AP2A2: variants seen among roughly 807,000 people sequenced by gnomAD.
AP2A2 encodes AP-2 complex subunit alpha-2.
Under a neutral mutation model 104.2 loss-of-function variants are expected in AP2A2, and 32 were observed. That is an observed-to-expected ratio of 0.31 (90% CI 0.23 to 0.41). The LOEUF (loss-of-function observed/expected upper bound fraction) is 0.41, where lower values mean the gene tolerates loss of function less well. Among genes scored for constraint, AP2A2 ranks in the 10% least tolerant of loss-of-function variants. AP2A2 has a pLI of 1.00. For synonymous variants in AP2A2, 539 were observed against 533.3 expected, an observed-to-expected ratio of 1.01 and a Z score of -0.15; for missense variants, 912 against 1,261.0, an observed-to-expected ratio of 0.72 and a Z score of 4.19.
chr11:991,249 T>C (rs895011508), intron 10 of AP2A2, among the ~76,000 whole-genome samples: 1 of 152,238 alleles, frequency 6.6e-6, no homozygotes, highest in Non-Finnish European at 1.5e-5. Flanking sequence ...AAACTGGACA[T>C]GGCCCACTCC....
At chr11:989,873 C>T (rs960590993) in intron 10 of AP2A2, among the ~76,000 whole-genome samples, 3 of 152,206 alleles carry the variant, frequency 2.0e-5, no homozygotes, top group Non-Finnish European at 4.4e-5. Context: ...CTTGTTGAGG[C>T]TGAGACAGCG....
intron 1 of AP2A2, among the ~76,000 whole-genome samples, chr11:937,119 A>C (rs1853484484): frequency 6.6e-6 from 1 of 152,090 alleles, no homozygotes; most frequent in Non-Finnish European, 1.5e-5. Flanking sequence ...CTCTGGGTTC[A>C]AGTGATTCTC....
intron 2 of AP2A2, among the ~76,000 whole-genome samples, chr11:967,167 AAAAAC>A (rs1478350767): frequency 1.3e-5 from 2 of 151,838 alleles, no homozygotes; most frequent in Admixed American, 6.6e-5. Context: ...ACTGTCTGGG[AAAAAC>A]AAAACAAAAA....
At chr11:933,817 T>G (rs1217263139) in intron 1 of AP2A2, among the ~76,000 whole-genome samples, 1 of 152,156 alleles carries the variant, frequency 6.6e-6, no homozygotes, top group Non-Finnish European at 1.5e-5. Flanking sequence ...TTTGCACGCT[T>G]TTTCCTGAAA....
At chr11:963,247 G>A (rs1035023609) in intron 2 of AP2A2, among the ~76,000 whole-genome samples, 1 of 151,996 alleles carries the variant, frequency 6.6e-6, no homozygotes, top group African/African-American at 2.4e-5. Context: ...CCAACATGGT[G>A]AAACCCCGTG....
chr11:1,001,852 G>A (rs1396461051), intron 15 of AP2A2, among the ~76,000 whole-genome samples: 1 of 152,178 alleles, frequency 6.6e-6, no homozygotes, highest in African/African-American at 2.4e-5. Flanking sequence ...ATTGGGTGGC[G>A]CTGTCTGCAG....
rs1216591932 is a variant in AP2A2, at chr11:970,161, T to C, written c.137-8T>C. 6.2e-7 allele frequency: 1 copy of C among 1,613,722 alleles called. No homozygotes were observed. The highest frequency in any genetic ancestry group is 1.7e-5 in the Admixed American group (1 of 60,004). On this transcript the variant is annotated splice_region_variant and splice_polypyrimidine_tract_variant and intron_variant, in intron 2 of 21. Coordinates refer to ENST00000448903, the MANE Select transcript of AP2A2 (RefSeq NM_012305.4). ...TGGAATAAAACCTCTTCCCCACCTT[T>C]TCTGTAGGTGACAAGGCTCTTGATG...
intron 1 of AP2A2, among the ~76,000 whole-genome samples, chr11:947,260 C>T (rs1444813586): frequency 2.6e-5 from 4 of 152,152 alleles, no homozygotes; most frequent in African/African-American, 9.7e-5. Context: ...ATCCACCTGC[C>T]TTGGCTTCCC....
At chr11:970,885 G>A (rs960386116) in intron 3 of AP2A2, among the ~76,000 whole-genome samples, 18 of 152,258 alleles carry the variant, frequency 1.2e-4, no homozygotes, top group Non-Finnish European at 5.9e-5. Flanking sequence ...AGCCCTTGCC[G>A]GGCTGGTGCA....
At chr11:969,719 T>A (rs1478178519) in intron 2 of AP2A2, among the ~76,000 whole-genome samples, 1 of 152,196 alleles carries the variant, frequency 6.6e-6, no homozygotes, top group African/African-American at 2.4e-5. Context: ...TGCCCTAGAA[T>A]GGCTATGAAG....
Position 989,888 on chromosome 11 carries a change from C to T in AP2A2, c.1269+1199C>T, listed in dbSNP as rs1209524212. 3.3e-5 allele frequency among the ~76,000 whole-genome samples: 5 copies of T among 152,274 alleles called. No homozygotes were observed. The East Asian group carries it at 5.8e-4, about 18-fold the overall frequency. ...CTTGTTGAGGCTGAGACAGCGCCTC[C>T]GTTGTATAGAAAGCGCTTTGTTATT... On this transcript the variant is annotated intron_variant, in intron 10 of 21. Transcript: ENST00000448903.
intron 6 of AP2A2, among the ~76,000 whole-genome samples, chr11:981,809 C>T (rs570848864): frequency 6.6e-6 from 1 of 152,400 alleles, no homozygotes; most frequent in South Asian, 2.1e-4. Flanking sequence ...TCCTTGCCCT[C>T]TGAGGCTGCT....
chr11:953,628 C>G (rs61867585), intron 1 of AP2A2, among the ~76,000 whole-genome samples: 3 of 44,516 alleles, frequency 6.7e-5, no homozygotes, highest in Non-Finnish European at 2.1e-4. Flanking sequence ...GCTCCGTCTG[C>G]CTCCGTCTGC....
chr11:1,009,775 G>T lies in AP2A2; in HGVS notation c.2700G>T (p.Gln900His). ...GAGIIHTKTT[Q>H]IGCLLRLEPN... ...GAATCATCCACACGAAAACCACCCA[G>T]ATTGGATGCCTGCTGCGCTTGGAGC... The change falls in exon 21 of 22, where the codon CAG (glutamine) becomes CAT (histidine). Residue 900 changes from glutamine (Q) to histidine (H), a missense_variant. Coordinates refer to ENST00000448903, the MANE Select transcript of AP2A2 (RefSeq NM_012305.4). 1 of 1,550,902 alleles carries T rather than the reference G, an allele frequency of 6.4e-7. No individual in the cohort carries two copies. Among genetic ancestry groups the T allele is most frequent in the Non-Finnish European group, 8.7e-7 (1 of 1,146,336 alleles).
At chr11:926,500 G>A (rs1487866968) in intron 1 of AP2A2, among the ~76,000 whole-genome samples, 1 of 152,136 alleles carries the variant, frequency 6.6e-6, no homozygotes, top group Non-Finnish European at 1.5e-5. Context: ...CACCACCAAG[G>A]GGGTTCCGGG....
chr11:930,143 A>T (rs75718404), intron 1 of AP2A2, among the ~76,000 whole-genome samples: 1 of 148,510 alleles, frequency 6.7e-6, no homozygotes, highest in African/African-American at 2.5e-5. Context: ...AAAAAAAAAA[A>T]GCCCTGTGCC....
chr11:1,007,297 T>C (rs982465098), intron 17 of AP2A2: 2 of 153,624 alleles, frequency 1.3e-5, no homozygotes, highest in African/African-American at 4.8e-5. Context: ...TGCAGACTGT[T>C]CAAGCTGTTT....
chr11:972,107 A>G lies in AP2A2; in HGVS notation c.325A>G (p.Ile109Val), dbSNP rs1452832705. Residue 109 changes from isoleucine to valine, a missense_variant, in exon 4 of 22, where the codon ATC (isoleucine) becomes GTC (valine). Physicochemically the swap from Ile to Val is conservative, Grantham distance 29 (BLOSUM62 3). Coordinates refer to ENST00000448903, the MANE Select transcript of AP2A2 (RefSeq NM_012305.4). Reference protein sequence around the residue: ...SVLVNSNSELIRLINNAIKND... With the variant: ...SVLVNSNSELVRLINNAIKND... ...GTTGGTGAACTCAAACAGTGAGCTG[A>G]TCCGCCTGATCAACAACGCCATCAA... The G allele has an allele frequency of 1.2e-6, 2 of 1,613,810 alleles. No homozygotes were observed. Among genetic ancestry groups the G allele is most frequent in the Non-Finnish European group, 1.7e-6 (2 of 1,179,820 alleles).
rs188986456 is a variant in AP2A2 at position 984,530 on chromosome 11, A to C, written c.706-115A>C. On this transcript the variant is annotated intron_variant, in intron 6 of 21. Transcript: ENST00000448903. ...GTCAGACACTCTTGGCACATGAAAC[A>C]AAACCATTTTTCCAGCTCAGGCGTG... is the stretch of plus-strand genomic sequence containing the variant. 1,109 of 916,782 alleles carry C rather than the reference A, an allele frequency of 1.2e-3. 5 individuals carry two copies. Among genetic ancestry groups the C allele is most frequent in the African/African-American group, 0.012 (733 of 61,506 alleles). 56.8% of individuals were successfully genotyped at this position (916,782 alleles called of 1,614,324 possible).
Sources: allele counts gnomAD v4.1 joint callset (sites outside exome capture counted in the v4.1 genomes callset), GRCh38; gene constraint gnomAD v4.1.1; transcripts MANE v1.5; gene names NCBI Gene and HGNC (gene_info 2026-07-23, HGNC 2026-07-21).